The following NEGR1 variants were observed in gnomAD, a reference collection of about 807,000 sequenced individuals.
NEGR1 encodes neuronal growth regulator 1, also known as IgLON family member 4.
In NEGR1, 10 loss-of-function variants were observed where a neutral mutation model predicts 40.9. The observed-to-expected ratio is 0.24, with a 90% CI of 0.15 to 0.42. The LOEUF is 0.42. Among genes scored for constraint, NEGR1 ranks in the 10% least tolerant of loss-of-function variants. NEGR1 has a pLI of 1.00. For synonymous variants in NEGR1, 185 were observed against 166.8 expected (o/e 1.11, Z -0.84); for missense variants, 352 against 438.9 (o/e 0.80, Z 1.77).
intron 3 of NEGR1, among the ~76,000 whole-genome samples, chr1:71,717,202 C>T (rs976371488): frequency 4.6e-5 from 7 of 152,174 alleles, no homozygotes; most frequent in African/African-American, 1.7e-4. Flanking sequence ...ATATATTTGT[C>T]TACATATGCT....
chr1:71,716,583 G>C (rs1163203239), intron 3 of NEGR1, among the ~76,000 whole-genome samples: 1 of 152,100 alleles, frequency 6.6e-6, no homozygotes, highest in East Asian at 1.9e-4. Flanking sequence ...GTTAAGAATT[G>C]TGTTGTAACA....
intron 3 of NEGR1, among the ~76,000 whole-genome samples, chr1:71,698,980 C>A (rs1471819981): frequency 1.3e-5 from 2 of 151,610 alleles, no homozygotes; most frequent in African/African-American, 4.8e-5. Flanking sequence ...AGAAGTGTGG[C>A]AAAGGTAGAA....
chr1:71,644,472 GCTAA>G (rs928224506), intron 4 of NEGR1, among the ~76,000 whole-genome samples: 2 of 151,732 alleles, frequency 1.3e-5, no homozygotes, highest in African/African-American at 4.8e-5. Flanking sequence ...TGCTTTTAAT[GCTAA>G]CTGTTTATGG....
intron 2 of NEGR1, among the ~76,000 whole-genome samples, chr1:71,932,472 TG>T (rs1455636887): frequency 2.0e-5 from 3 of 152,164 alleles, no homozygotes; most frequent in South Asian, 2.1e-4. Context: ...CCTACTTTAG[TG>T]TTTTCCCTCC....
chr1:71,865,501 C>T (rs762504877), intron 2 of NEGR1, among the ~76,000 whole-genome samples: 1 of 152,044 alleles, frequency 6.6e-6, no homozygotes, highest in Non-Finnish European at 1.5e-5. Context: ...AACCAAACAC[C>T]GCCTGTTCTC....
At chr1:72,105,381 G>C (rs1053040064) in intron 1 of NEGR1, among the ~76,000 whole-genome samples, 1 of 151,966 alleles carries the variant, frequency 6.6e-6, no homozygotes, top group African/African-American at 2.4e-5. Flanking sequence ...TTGTCAAAAT[G>C]CATAGATTAT....
chr1:71,473,173 G>C (rs1569915771), intron 6 of NEGR1, among the ~76,000 whole-genome samples: 2 of 151,948 alleles, frequency 1.3e-5, no homozygotes, highest in East Asian at 3.9e-4. Context: ...AAACATATAA[G>C]TACTAAGATT....
At chr1:71,495,458 T>C (rs866419046) in intron 6 of NEGR1, among the ~76,000 whole-genome samples, 135 of 136,484 alleles carry the variant, frequency 9.9e-4, no homozygotes, top group African/African-American at 2.9e-3. Context: ...GCCTGGGCAA[T>C]AGAGTGAGAC....
At chr1:72,165,524 G>T (rs1034886364) in intron 1 of NEGR1, among the ~76,000 whole-genome samples, 1 of 151,884 alleles carries the variant, frequency 6.6e-6, no homozygotes, top group Non-Finnish European at 1.5e-5. Flanking sequence ...TACAAATAGT[G>T]TTTCCTTTAG....
chr1:72,121,122 C>T (rs1012139554), intron 1 of NEGR1, among the ~76,000 whole-genome samples: 35 of 151,846 alleles, frequency 2.3e-4, no homozygotes, highest in East Asian at 9.7e-4. Context: ...AATACTTTAC[C>T]GCAAATTTTA....
At chr1:71,887,420 C>T (rs1394176895) in intron 2 of NEGR1, among the ~76,000 whole-genome samples, 1 of 152,180 alleles carries the variant, frequency 6.6e-6, no homozygotes, top group African/African-American at 2.4e-5. Flanking sequence ...TTCTTTCTTA[C>T]TCTCTGTCCC....
At chr1:71,706,146 G>GC (rs1213634932) in intron 3 of NEGR1, among the ~76,000 whole-genome samples, 1 of 152,210 alleles carries the variant, frequency 6.6e-6, no homozygotes, top group Non-Finnish European at 1.5e-5. Context: ...ATGCAGCTGT[G>GC]CGGTGCACAG....
rs148593169 is a variant in NEGR1 at position 71,742,420 on chromosome 1, C to T, written c.535+33752G>A. 6.6e-4 allele frequency among the ~76,000 whole-genome samples: 101 copies of T among 152,246 alleles called. 1 individual carries two copies. Among genetic ancestry groups the T allele is most frequent in the Admixed American group, 1.2e-3 (18 of 15,288 alleles). ...CACTGGGTTTGGGAGACAGGATTTC[C>T]ACTCTAGTGGGTCTGGATGGCAGGG... On this transcript the variant is annotated intron_variant, in intron 3 of 6. Transcript: ENST00000357731.
chr1:71,409,070 C>T (rs897528249), intron 6 of NEGR1: 2 of 151,844 alleles, frequency 1.3e-5, no homozygotes, highest in African/African-American at 2.4e-5. Flanking sequence ...GCAAAATTAA[C>T]TATTTAATGC....
intron 1 of NEGR1, among the ~76,000 whole-genome samples, chr1:72,263,884 C>T (rs1655550874): frequency 6.6e-6 from 1 of 151,404 alleles, no homozygotes; most frequent in African/African-American, 2.4e-5. Flanking sequence ...ATCATACTTT[C>T]CCTGATTTTC....
At chr1:71,478,223 C>T (rs1241683666) in intron 6 of NEGR1, among the ~76,000 whole-genome samples, 1 of 151,976 alleles carries the variant, frequency 6.6e-6, no homozygotes, top group African/African-American at 2.4e-5. Context: ...TAGGACTGTT[C>T]TAAAATAGGT....
intron 1 of NEGR1, among the ~76,000 whole-genome samples, chr1:71,959,982 GTA>G (rs1646151016): frequency 1.3e-5 from 2 of 152,056 alleles, no homozygotes; most frequent in Admixed American, 6.6e-5. Context: ...GCCAAAAGTT[GTA>G]TATCATATAA....
chr1:72,033,229 G>C (rs1320819626), intron 1 of NEGR1, among the ~76,000 whole-genome samples: 2 of 152,056 alleles, frequency 1.3e-5, no homozygotes, highest in African/African-American at 4.8e-5. Context: ...GGATATGCCT[G>C]GCATGATAAA....
intron 2 of NEGR1, among the ~76,000 whole-genome samples, chr1:71,909,827 A>C (rs1661375124): frequency 6.6e-6 from 1 of 152,244 alleles, no homozygotes; most frequent in South Asian, 2.1e-4. Context: ...GATGTTTGAA[A>C]GATTTATTAA....
Sources: allele counts gnomAD v4.1 joint callset (sites outside exome capture counted in the v4.1 genomes callset), GRCh38; gene constraint gnomAD v4.1.1; transcripts MANE v1.5; gene names NCBI Gene and HGNC (gene_info 2026-07-23, HGNC 2026-07-21).